Variants in KIAA1549L observed in about 807,000 individuals in gnomAD.
KIAA1549L encodes KIAA1549 like, also known as UPF0606 protein KIAA1549L.
KIAA1549L carries 88 observed loss-of-function variants against 160.7 expected under a neutral mutation model. That is an observed-to-expected ratio of 0.55 (90% CI 0.46 to 0.65). KIAA1549L has a LOEUF of 0.65. Ranked by LOEUF, KIAA1549L falls within the 30% of genes least tolerant of loss-of-function variation. The pLI, the probability that KIAA1549L is intolerant of heterozygous loss-of-function variation, is 0.00. For missense variants in KIAA1549L, 2,258 were observed against 2,437.5 expected (o/e 0.93, Z 1.55); for synonymous variants, 950 against 976.7 (o/e 0.97, Z 0.51).
chr11:33,644,086 A>C (rs1360303298), intron 16 of KIAA1549L, among the ~76,000 whole-genome samples: 1 of 152,174 alleles, frequency 6.6e-6, no homozygotes, highest in Non-Finnish European at 1.5e-5. Context: ...TCTACTCCAG[A>C]ATCTGTCCTT....
chr11:33,433,771 A>G (rs1851299458), intron 1 of KIAA1549L, among the ~76,000 whole-genome samples: 1 of 152,222 alleles, frequency 6.6e-6, no homozygotes, highest in Non-Finnish European at 1.5e-5. Context: ...AAAAGGAATG[A>G]GATCATGTTC....
At chr11:33,635,391 C>G (rs895282636) in intron 16 of KIAA1549L, among the ~76,000 whole-genome samples, 20 of 152,190 alleles carry the variant, frequency 1.3e-4, no homozygotes, top group Non-Finnish European at 2.2e-4. Context: ...GCCCTTGCCA[C>G]GAAGTTGCAT....
chr11:33,540,764 CT>C (rs1291599316), intron 1 of KIAA1549L, among the ~76,000 whole-genome samples: 1 of 152,166 alleles, frequency 6.6e-6, no homozygotes, highest in East Asian at 1.9e-4. Flanking sequence ...GGAGCTTTGG[CT>C]CTTCAGAAAG....
intron 6 of KIAA1549L, among the ~76,000 whole-genome samples, chr11:33,557,667 A>G (rs1854694136): frequency 6.6e-6 from 1 of 152,166 alleles, no homozygotes; most frequent in Non-Finnish European, 1.5e-5. Context: ...TGGGTGGATC[A>G]TTTGAGCCCA....
chr11:33,470,270 C>A (rs995863369), intron 1 of KIAA1549L, among the ~76,000 whole-genome samples: 1 of 151,954 alleles, frequency 6.6e-6, no homozygotes, highest in African/African-American at 2.4e-5. Context: ...TTGAAAAGAC[C>A]CTTCTTTTCT....
chr11:33,426,385 G>C (rs1851116483), intron 1 of KIAA1549L, among the ~76,000 whole-genome samples: 1 of 152,116 alleles, frequency 6.6e-6, no homozygotes, highest in Non-Finnish European at 1.5e-5. Flanking sequence ...GAATTTAGGA[G>C]CTAGAAAGAC....
intron 1 of KIAA1549L, among the ~76,000 whole-genome samples, chr11:33,382,554 T>C (rs1302340134): frequency 6.6e-6 from 1 of 151,746 alleles, no homozygotes; most frequent in Non-Finnish European, 1.5e-5. Flanking sequence ...TAAGATGAGG[T>C]CTAATTATAT....
intron 1 of KIAA1549L, among the ~76,000 whole-genome samples, chr11:33,412,369 G>A (rs1246278903): frequency 6.6e-6 from 1 of 152,178 alleles, no homozygotes; most frequent in Non-Finnish European, 1.5e-5. Flanking sequence ...ATAATTACAT[G>A]TATTGTTCTT....
In KIAA1549L at chr11:33,542,400, C is replaced by A; in HGVS notation, c.837C>A (p.Ala279=). Residue 279 remains alanine, a synonymous_variant, in exon 2 of 21, where the codon GCC becomes GCA. Transcript: ENST00000658780. ...TGTTAGTTCCCCAAACAGCTCCAGC[C>A]GACCCCTCTTTAGGTCAGAACATAG... ...KVLLVPQTAP[A]DPSLGQNIAN... The A allele has an allele frequency of 1.4e-6, 2 of 1,439,222 alleles. No homozygotes were observed. 89.2% of individuals were successfully genotyped at this position (1,439,222 alleles called of 1,614,324 possible). A position where few individuals can be genotyped will look rare whatever the true frequency, so the allele number is the denominator to read the frequency against.
chr11:33,578,503 G>A (rs1259962184), intron 10 of KIAA1549L, among the ~76,000 whole-genome samples: 3 of 152,064 alleles, frequency 2.0e-5, no homozygotes, highest in Admixed American at 2.0e-4. Flanking sequence ...TCAACCTCCC[G>A]TTAATGTGCC....
intron 1 of KIAA1549L, among the ~76,000 whole-genome samples, chr11:33,430,268 C>T (rs1851212026): frequency 6.9e-6 from 1 of 145,718 alleles, no homozygotes; most frequent in African/African-American, 2.5e-5. Context: ...CTCCCTCCCT[C>T]TCTCCCTCCA....
At chr11:33,378,910 C>A (rs969607150) in intron 1 of KIAA1549L, among the ~76,000 whole-genome samples, 2 of 152,154 alleles carry the variant, frequency 1.3e-5, no homozygotes, top group African/African-American at 4.8e-5. Flanking sequence ...TAATGCAGGG[C>A]ATCCTAAGGG....
At chr11:33,591,179 C>G (rs1850040035) in intron 11 of KIAA1549L, 58 bp from the exon 12 acceptor site, 2 of 1,313,790 alleles carry the variant, frequency 1.5e-6, no homozygotes, top group East Asian at 2.5e-5. Context: ...CTCTTAAAGC[C>G]ATGGTTAGAG....
At chr11:33,403,709 C>G (rs1415308150) in intron 1 of KIAA1549L, 1 of 152,224 alleles carries the variant, frequency 6.6e-6, no homozygotes, top group Non-Finnish European at 1.5e-5. Flanking sequence ...CTGCTTTTCC[C>G]TTTGCTTCTC....
intron 16 of KIAA1549L, among the ~76,000 whole-genome samples, chr11:33,642,590 G>T (rs1224398198): frequency 2.6e-5 from 4 of 151,212 alleles, no homozygotes; most frequent in Non-Finnish European, 5.9e-5. Context: ...GACGGGGTGA[G>T]TGGTTTGGGG....
At chr11:33,570,134 G>A (rs1212453236) in intron 9 of KIAA1549L, among the ~76,000 whole-genome samples, 1 of 151,782 alleles carries the variant, frequency 6.6e-6, no homozygotes, top group Non-Finnish European at 1.5e-5. Flanking sequence ...CTCCCGAATA[G>A]CTGGGATTAC....
chr11:33,438,855 T>G (rs910860912), intron 1 of KIAA1549L, among the ~76,000 whole-genome samples: 9 of 152,134 alleles, frequency 5.9e-5, no homozygotes, highest in African/African-American at 2.2e-4. Context: ...AGGTTTTTTT[T>G]TTTTTTTTTT....
chr11:33,401,244 GTATA>G (rs1301031345), intron 1 of KIAA1549L, among the ~76,000 whole-genome samples: 1 of 146,638 alleles, frequency 6.8e-6, no homozygotes, highest in East Asian at 2.0e-4. Context: ...TATTAATATA[GTATA>G]TATAAATACA....
At chr11:33,603,857 T>C (rs1457527738) in intron 13 of KIAA1549L, among the ~76,000 whole-genome samples, 1 of 149,652 alleles carries the variant, frequency 6.7e-6, no homozygotes, top group East Asian at 2.0e-4. Context: ...GCAGAGCAGA[T>C]GAGGGGAGAG....
Sources: gnomAD v4.1 joint callset for allele counts (sites outside exome capture counted in the v4.1 genomes callset) on GRCh38, gnomAD v4.1.1 for gene constraint, MANE v1.5 for transcripts, NCBI Gene and HGNC (gene_info 2026-07-23, HGNC 2026-07-21) for gene names.